MSI2: variants seen among roughly 807,000 people sequenced by gnomAD.
MSI2 encodes the protein RNA-binding protein Musashi homolog 2.
In MSI2, 17 loss-of-function variants were observed where a neutral mutation model predicts 45.6. That is an observed-to-expected ratio of 0.37 (90% CI 0.26 to 0.56). MSI2 has a LOEUF of 0.56. Among genes scored for constraint, MSI2 ranks in the 20% least tolerant of loss-of-function variants. MSI2 has a pLI of 0.77. For synonymous variants in MSI2, 156 were observed against 158.2 expected, an observed-to-expected ratio of 0.99 and a Z score of 0.11; for missense variants, 293 against 444.2, an observed-to-expected ratio of 0.66 and a Z score of 3.06.
At chr17:57,343,255 C>T (rs577035135) in intron 5 of MSI2, among the ~76,000 whole-genome samples, 6 of 151,796 alleles carry the variant, frequency 4.0e-5, no homozygotes, top group Admixed American at 1.3e-4. Flanking sequence ...GAGCAAAGTT[C>T]GAAGCCAGGA....
At chr17:57,472,200 A>G (rs1020471554) in intron 6 of MSI2, among the ~76,000 whole-genome samples, 7 of 152,234 alleles carry the variant, frequency 4.6e-5, no homozygotes, top group Admixed American at 2.0e-4. Context: ...GGGGATTATC[A>G]TCTCACAAAA....
rs140381628 is a variant in MSI2 at position 57,564,143 on chromosome 17, C to T, written c.455-32725C>T. Among the ~76,000 whole-genome samples, 1,058 of 152,320 alleles carry T rather than the reference C, an allele frequency of 6.9e-3. 10 individuals are homozygous for T. Among genetic ancestry groups the T allele is most frequent in the African/African-American group, 0.024 (1,008 of 41,572 alleles). On this transcript the variant is annotated intron_variant, in intron 7 of 13. Transcript: ENST00000284073. ...CCATCCTCTCTGCCTGTGTGAAGGG[C>T]GTGCCATGTGTTTGTGGATTTCTTG...
At chr17:57,321,613 C>G (rs1340351465) in intron 5 of MSI2, among the ~76,000 whole-genome samples, 4 of 152,132 alleles carry the variant, frequency 2.6e-5, no homozygotes, top group Non-Finnish European at 5.9e-5. Flanking sequence ...CTTGTGCCTG[C>G]TCACCTGAGG....
chr17:57,470,180 A>G (rs1240005962), intron 6 of MSI2, among the ~76,000 whole-genome samples: 1 of 152,224 alleles, frequency 6.6e-6, no homozygotes, highest in Admixed American at 6.5e-5. Context: ...TCTCCAGTAA[A>G]GTATAAGCTC....
intron 11 of MSI2, among the ~76,000 whole-genome samples, chr17:57,674,136 G>GC (rs1913036674): frequency 6.7e-6 from 1 of 150,342 alleles, no homozygotes; most frequent in South Asian, 2.1e-4. Context: ...GAAACTCTCT[G>GC]CCGCCATCAT....
At chr17:57,297,412 A>T (rs1024024645) in intron 5 of MSI2, among the ~76,000 whole-genome samples, 7 of 152,136 alleles carry the variant, frequency 4.6e-5, no homozygotes, top group East Asian at 1.9e-4. Flanking sequence ...TGCCTAAAAA[A>T]CAATGTGCAT....
intron 6 of MSI2, among the ~76,000 whole-genome samples, chr17:57,420,908 C>T (rs936064137): frequency 2.0e-5 from 3 of 152,214 alleles, no homozygotes; most frequent in Non-Finnish European, 2.9e-5. Flanking sequence ...CGAGCATCGC[C>T]GCTTTAATGA....
rs1022996718 is a variant in MSI2, at chr17:57,682,916, G to A, written c.*3399G>A. The A allele has an allele frequency of 2.6e-5, 6 of 226,742 alleles. No homozygotes were observed. Among genetic ancestry groups the A allele is most frequent in the Non-Finnish European group, 5.3e-5 (6 of 114,088 alleles). 14.0% of individuals were successfully genotyped at this position (226,742 alleles called of 1,614,324 possible). On this transcript the variant is annotated 3_prime_UTR_variant, in exon 14 of 14. Transcript: ENST00000284073. ...ATTCCCGGTCCTAGCTGGGCATGGG[G>A]CTGACGGAGATGACCAAGCCTTGGT...
chr17:57,649,289 C>G (rs1910939422), intron 10 of MSI2, among the ~76,000 whole-genome samples: 1 of 151,862 alleles, frequency 6.6e-6, no homozygotes, highest in African/African-American at 2.4e-5. Flanking sequence ...TACGTACACT[C>G]AACAAACACA....
intron 5 of MSI2, among the ~76,000 whole-genome samples, chr17:57,357,904 G>T (rs1488983063): frequency 6.6e-6 from 1 of 151,966 alleles, no homozygotes; most frequent in East Asian, 1.9e-4. Flanking sequence ...CCTTACCTTT[G>T]ACCTTAGTGA....
chr17:57,395,989 C>T (rs2083881605), intron 5 of MSI2, among the ~76,000 whole-genome samples: 1 of 152,232 alleles, frequency 6.6e-6, no homozygotes, highest in Non-Finnish European at 1.5e-5. Context: ...AGCATTTTAA[C>T]ATCTTTCCTG....
Position 57,631,563 on chromosome 17 carries a change from TG to T in MSI2, c.727+4264del, listed in dbSNP as rs1014752523. The T allele has an allele frequency of 6.7e-5, 35 of 525,518 alleles. No individual in the cohort carries two copies. The African/African-American group carries it at 6.8e-4, about 10-fold the overall frequency. 32.6% of individuals were successfully genotyped at this position (525,518 alleles called of 1,614,324 possible). ...GCTAGACACTGGATAGTTTTTAGAG[TG>T]GGGAGTAGTTCTTTTCTAGAAAGGC... On this transcript the variant is annotated intron_variant, in intron 10 of 13. Transcript: ENST00000284073.
intron 7 of MSI2, among the ~76,000 whole-genome samples, chr17:57,561,948 G>A (rs1245414139): frequency 6.6e-6 from 1 of 151,978 alleles, no homozygotes; most frequent in Non-Finnish European, 1.5e-5. Context: ...TTCAAATTCC[G>A]GTTCTTTCTA....
chr17:57,430,911 T>G (rs2084582913), intron 6 of MSI2, among the ~76,000 whole-genome samples: 1 of 152,252 alleles, frequency 6.6e-6, no homozygotes, highest in South Asian at 2.1e-4. Flanking sequence ...TTGGCTGTCC[T>G]GCCCGCCTCT....
At chr17:57,257,685 C>T in intron 3 of MSI2, 138 bp downstream of exon 3, 1 of 612,342 alleles carries the variant, frequency 1.6e-6, no homozygotes, top group Non-Finnish European at 2.9e-6. Context: ...CGCTCTATAC[C>T]ACCCCCACCG....
At chr17:57,307,072 C>T (rs1911982123) in intron 5 of MSI2, among the ~76,000 whole-genome samples, 2 of 152,168 alleles carry the variant, frequency 1.3e-5, no homozygotes, top group South Asian at 2.1e-4. Context: ...CCTGCTTATT[C>T]CTTGGGCTGT....
rs572005875 is a variant in MSI2 at position 57,593,305 on chromosome 17, A to G, written c.455-3563A>G. Among the ~76,000 whole-genome samples the G allele has an allele frequency of 1.5e-4, 23 of 152,302 alleles. 1 individual carries two copies. The South Asian group carries it at 2.1e-3, about 14-fold the overall frequency. On this transcript the variant is annotated intron_variant, in intron 7 of 13. Transcript: ENST00000284073. ...GTGGCTGCCGTAACAAATTACCACAAACTTCGTGGCTTAAAACAACAGAAA... is the reference window on the plus strand; with the variant it reads ...GTGGCTGCCGTAACAAATTACCACAGACTTCGTGGCTTAAAACAACAGAAA...
intron 6 of MSI2, among the ~76,000 whole-genome samples, chr17:57,504,948 A>C (rs1392379625): frequency 6.6e-6 from 1 of 151,366 alleles, no homozygotes; most frequent in East Asian, 1.9e-4. Flanking sequence ...AAAAAAAAGA[A>C]GAAAAAGTAA....
rs943044779 is a variant in MSI2, at chr17:57,681,635, T to TA, written c.*2128dup. On this transcript the variant is annotated 3_prime_UTR_variant, in exon 14 of 14. Transcript: ENST00000284073. ...AAACAGCAACAACATTTTTTTTAATTAAAAAAAAAATCATGTTCTTTGTTT... is the reference window on the plus strand; with the variant it reads ...AAACAGCAACAACATTTTTTTTAATTAAAAAAAAAAATCATGTTCTTTGTTT... The TA allele has an allele frequency of 6.4e-4, 116 of 181,988 alleles. No individual in the cohort carries two copies. The highest frequency in any genetic ancestry group is 2.1e-3 in the Middle Eastern group (1 of 484). 11.3% of individuals were successfully genotyped at this position (181,988 alleles called of 1,614,324 possible). A position where few individuals can be genotyped will look rare whatever the true frequency, so the allele number is the denominator to read the frequency against.
Sources: allele counts gnomAD v4.1 joint callset (sites outside exome capture counted in the v4.1 genomes callset), GRCh38; gene constraint gnomAD v4.1.1; transcripts MANE v1.5; gene names NCBI Gene and HGNC (gene_info 2026-07-23, HGNC 2026-07-21).